DNAJC13: variants seen among roughly 807,000 people sequenced by gnomAD.
The protein encoded by DNAJC13 is dnaJ homolog subfamily C member 13.
DNAJC13 carries 75 observed loss-of-function variants against 290.5 expected under a neutral mutation model. The observed-to-expected ratio is 0.26, with a 90% CI of 0.21 to 0.31. The LOEUF (loss-of-function observed/expected upper bound fraction) is 0.31. DNAJC13 is among the 10% of genes least tolerant of loss of function. The pLI, the probability that DNAJC13 is intolerant of heterozygous loss-of-function variation, is 1.00. For synonymous variants in DNAJC13, 862 were observed against 892.0 expected, an observed-to-expected ratio of 0.97 and a Z score of 0.60; for missense variants, 2,260 against 2,674.5, an observed-to-expected ratio of 0.85 and a Z score of 3.42.
intron 43 of DNAJC13, 83 bp downstream of exon 43, chr3:132,507,436 G>T: frequency 1.3e-6 from 1 of 796,426 alleles, no homozygotes; most frequent in Non-Finnish European, 2.1e-6. Flanking sequence ...CTTTATAGAG[G>T]CACACTTCAT....
intron 2 of DNAJC13, among the ~76,000 whole-genome samples, chr3:132,435,958 C>T (rs760645658): frequency 1.3e-5 from 2 of 151,990 alleles, no homozygotes; most frequent in Admixed American, 6.6e-5. Flanking sequence ...CTTTTTTCCT[C>T]GTAATAATTC....
intron 1 of DNAJC13, among the ~76,000 whole-genome samples, chr3:132,419,317 G>T (rs1266250231): frequency 6.6e-6 from 1 of 152,006 alleles, no homozygotes; most frequent in African/African-American, 2.4e-5. Context: ...TTCTAAAGTG[G>T]TAGTAATAAA....
At chr3:132,468,465 T>A (rs1364408727) in intron 20 of DNAJC13, among the ~76,000 whole-genome samples, 4 of 152,182 alleles carry the variant, frequency 2.6e-5, no homozygotes, top group African/African-American at 9.7e-5. Context: ...TCCAGAATAA[T>A]AGATTACTGC....
At chr3:132,433,525 C>T (rs1351924397) in intron 1 of DNAJC13, among the ~76,000 whole-genome samples, 2 of 152,226 alleles carry the variant, frequency 1.3e-5, no homozygotes, top group Admixed American at 6.5e-5. Flanking sequence ...GATCCTCCCA[C>T]CTCAGCCTCA....
At chr3:132,454,630 A>C (rs1933533707) in intron 9 of DNAJC13, among the ~76,000 whole-genome samples, 2 of 152,018 alleles carry the variant, frequency 1.3e-5, no homozygotes, top group South Asian at 4.1e-4. Context: ...ATGAGCCACC[A>C]CACCTGGCCT....
chr3:132,443,730 G>T (rs569790022), intron 2 of DNAJC13, among the ~76,000 whole-genome samples: 6 of 152,208 alleles, frequency 3.9e-5, no homozygotes, highest in Admixed American at 2.6e-4. Flanking sequence ...CTTAAGGAAG[G>T]GAGTGCGGAG....
At position 132,538,358 on chromosome 3, in the gene DNAJC13, A is replaced by T; in HGVS notation, c.*76A>T. ...TCCTCCAGCTGATACGTTGAAGCAAACTCTTACTGCCTTTCTCCTGGTTTC... is the reference window on the plus strand; with the variant it reads ...TCCTCCAGCTGATACGTTGAAGCAATCTCTTACTGCCTTTCTCCTGGTTTC... On this transcript the variant is annotated 3_prime_UTR_variant, in exon 56 of 56. Transcript: ENST00000260818. The T allele has an allele frequency of 2.8e-6, 3 of 1,083,938 alleles. No homozygotes were observed. The highest frequency in any genetic ancestry group is 4.1e-6 in the Non-Finnish European group (3 of 727,342). The allele number at this position is 1,083,938 out of a possible 1,614,324, so 67.1% of individuals were successfully genotyped here.
intron 55 of DNAJC13, among the ~76,000 whole-genome samples, chr3:132,531,945 G>A (rs1024336040): frequency 2.0e-5 from 3 of 152,184 alleles, no homozygotes; most frequent in African/African-American, 4.8e-5. Context: ...AAGATACTAT[G>A]TTTAAAACTC....
At chr3:132,482,092 G>A in intron 26 of DNAJC13, 134 bp from the exon 27 acceptor site, 1 of 578,744 alleles carries the variant, frequency 1.7e-6, no homozygotes, top group Non-Finnish European at 2.9e-6. Context: ...TTAAAATAAG[G>A]TCACTTAAAC....
intron 21 of DNAJC13, 127 bp downstream of exon 21, chr3:132,473,354 G>A: frequency 1.6e-6 from 1 of 638,260 alleles, no homozygotes; most frequent in Non-Finnish European, 2.7e-6. Context: ...TCAAGTTCAG[G>A]AACTATAACT....
Position 132,526,123 on chromosome 3 carries a change from T to G in DNAJC13, c.6241-18T>G. The stretch of plus-strand genomic sequence containing the variant: ...AATATTGCCAGTCTACAAGTAACCT[T>G]CTCTTTTGGGCACTTAGCTGTGTGT... On this transcript the variant is annotated intron_variant, in intron 52 of 55. Transcript: ENST00000260818. The G allele has an allele frequency of 6.2e-7, 1 of 1,613,428 alleles. No homozygotes were observed. The highest frequency in any genetic ancestry group is 1.1e-5 in the South Asian group (1 of 90,988).
At chr3:132,526,403 T>C (rs575433035) in intron 53 of DNAJC13, 122 bp downstream of exon 53, 2 of 1,169,908 alleles carry the variant, frequency 1.7e-6, no homozygotes, top group Non-Finnish European at 2.4e-6. Context: ...CTTGTGAGTT[T>C]GTGTATAAAC....
In DNAJC13 at chr3:132,526,071, T is replaced by C; in HGVS notation, c.6241-70T>C. On this transcript the variant is annotated intron_variant, in intron 52 of 55. Coordinates refer to ENST00000260818, the MANE Select transcript of DNAJC13 (RefSeq NM_015268.4). ...TTCTTTTTTTACTTATTTACTTATT[T>C]TGTTATGGTATTTACTATGTTATAT... is the stretch of plus-strand genomic sequence containing the variant. 5 of 1,545,804 alleles carry C rather than the reference T, an allele frequency of 3.2e-6. No homozygotes were observed. In the South Asian group the frequency reaches 6.1e-5, roughly 19 times the overall value.
intron 2 of DNAJC13, among the ~76,000 whole-genome samples, chr3:132,435,792 A>C (rs997731684): frequency 1.3e-5 from 2 of 152,192 alleles, no homozygotes; most frequent in African/African-American, 4.8e-5. Context: ...TGGTCATCAT[A>C]ATATGACTTC....
chr3:132,489,239 T>C (rs1285638372), intron 31 of DNAJC13, among the ~76,000 whole-genome samples: 1 of 152,210 alleles, frequency 6.6e-6, no homozygotes, highest in Non-Finnish European at 1.5e-5. Context: ...AGACTTAATA[T>C]TGAAATTGCA....
intron 39 of DNAJC13, among the ~76,000 whole-genome samples, chr3:132,501,330 G>A (rs1935402731): frequency 6.6e-6 from 1 of 152,114 alleles, no homozygotes; most frequent in Non-Finnish European, 1.5e-5. Flanking sequence ...GCAGAACCCT[G>A]TCTACAAAAA....
At chr3:132,439,609 C>T (rs1284243195) in intron 2 of DNAJC13, among the ~76,000 whole-genome samples, 2 of 152,112 alleles carry the variant, frequency 1.3e-5, no homozygotes, top group African/African-American at 2.4e-5. Flanking sequence ...TCTCCTTTAT[C>T]GGAATCTTAT....
intron 29 of DNAJC13, among the ~76,000 whole-genome samples, chr3:132,487,489 C>T (rs556683789): frequency 6.6e-6 from 1 of 150,564 alleles, no homozygotes; most frequent in Non-Finnish European, 1.5e-5. Flanking sequence ...AACTCCTGAC[C>T]TTGTGATCCG....
chr3:132,435,300 T>G (rs778327306), intron 2 of DNAJC13, among the ~76,000 whole-genome samples: 8 of 152,228 alleles, frequency 5.3e-5, no homozygotes, highest in Non-Finnish European at 1.2e-4. Flanking sequence ...AAGTTTAGTC[T>G]CTGGTCCCTT....
Sources: gnomAD v4.1 joint callset for allele counts (sites outside exome capture counted in the v4.1 genomes callset) on GRCh38, gnomAD v4.1.1 for gene constraint, MANE v1.5 for transcripts, NCBI Gene and HGNC (gene_info 2026-07-23, HGNC 2026-07-21) for gene names.